REPS2: variants seen among roughly 807,000 people sequenced by gnomAD.
REPS2 encodes the protein ralBP1-associated Eps domain-containing protein 2.
A neutral mutation model predicts 53.6 loss-of-function variants in REPS2; 23 were observed. The ratio of observed to expected loss-of-function variants is 0.43; its 90% CI spans 0.31 to 0.61. REPS2 has a LOEUF of 0.61. Ranked by LOEUF, REPS2 falls within the 20% of genes least tolerant of loss-of-function variation. REPS2 has a pLI of 0.11. For missense variants in REPS2, 446 were observed against 534.9 expected (o/e 0.83, Z 1.64); for synonymous variants, 238 against 218.6 (o/e 1.09, Z -0.78).
intron 17 of REPS2, among the ~76,000 whole-genome samples, chrX:17,139,777 C>T (rs2063418986): frequency 9.0e-6 from 1 of 111,102 alleles, no homozygotes; most frequent in African/African-American, 3.3e-5. Flanking sequence ...GTCACATGGC[C>T]TTCTTCCTGT....
intron 17 of REPS2, among the ~76,000 whole-genome samples, chrX:17,141,715 G>A (rs2063449202): frequency 8.9e-6 from 1 of 112,174 alleles, no homozygotes; most frequent in Admixed American, 9.4e-5. Context: ...AGCTAGCCCT[G>A]TAGTGATATA....
chrX:16,955,967 C>T (rs957397218), intron 1 of REPS2, among the ~76,000 whole-genome samples: 10 of 112,302 alleles, frequency 8.9e-5, no homozygotes, highest in East Asian at 2.8e-4. Flanking sequence ...CATTTTCATG[C>T]GTAATTCATC....
At chrX:17,146,110 GAA>G (rs149334711) in intron 17 of REPS2, among the ~76,000 whole-genome samples, 2 of 77,048 alleles carry the variant, frequency 2.6e-5, no homozygotes, top group Non-Finnish European at 5.1e-5. Flanking sequence ...CTCTGTCTCA[GAA>G]AAAAAAAAAA....
chrX:17,185,577 A>G, the REPS2 span, among the ~76,000 whole-genome samples: 1 of 111,693 alleles, frequency 9.0e-6, no homozygotes, highest in South Asian at 3.8e-4. Context: ...TTCAGTCCTC[A>G]CTTGGGCTTA....
intron 5 of REPS2, among the ~76,000 whole-genome samples, chrX:17,040,526 T>C (rs1389423397): frequency 8.9e-6 from 1 of 112,273 alleles, no homozygotes; most frequent in East Asian, 2.8e-4. Context: ...CTGGGTTTTA[T>C]GGGATAGCAT....
chrX:16,969,587 G>C (rs1038196559), intron 1 of REPS2, among the ~76,000 whole-genome samples: 1 of 110,058 alleles, frequency 9.1e-6, no homozygotes, highest in Admixed American at 9.5e-5. Context: ...CCAGTCAGGC[G>C]TGGCGGCGCG....
intron 9 of REPS2, among the ~76,000 whole-genome samples, chrX:17,065,472 T>G (rs1288705961): frequency 1.8e-5 from 2 of 113,006 alleles, no homozygotes; most frequent in Non-Finnish European, 3.7e-5. Context: ...ACTTGTCTAT[T>G]GAATTGTAAG....
At chrX:17,070,312 T>C (rs1438732258) in intron 11 of REPS2, among the ~76,000 whole-genome samples, 5 of 112,091 alleles carry the variant, frequency 4.5e-5, no homozygotes, top group Non-Finnish European at 7.5e-5. Flanking sequence ...AACAAGCCAT[T>C]TTGGGTTTTG....
the REPS2 span, among the ~76,000 whole-genome samples, chrX:17,163,534 C>T: frequency 8.9e-6 from 1 of 111,839 alleles, no homozygotes; most frequent in African/African-American, 3.2e-5. Flanking sequence ...TAAGACACCT[C>T]ATAATCAAAC....
At position 17,025,128 on chromosome X, in the gene REPS2, GTGCCCT is replaced by G; in HGVS notation, c.619_624del (p.Pro207_Leu208del). 1 of 1,211,669 alleles carries G rather than the reference GTGCCCT, an allele frequency of 8.3e-7. No individual in the cohort carries two copies. The highest frequency in any genetic ancestry group is 1.1e-6 in the Non-Finnish European group (1 of 895,474). On this transcript the variant is annotated inframe_deletion, in exon 4 of 18. Transcript: ENST00000357277. Reference sequence around the variant, plus strand: ...TTCTTCCCCGCCTCATTACCAGAGGGTGCCCTTGAGCCATGGCTACAGCAAACTGCG... The same window carrying G: ...TTCTTCCCCGCCTCATTACCAGAGGGTGAGCCATGGCTACAGCAAACTGCG...
intron 3 of REPS2, among the ~76,000 whole-genome samples, chrX:17,023,810 G>A (rs780035972): frequency 2.3e-4 from 26 of 111,996 alleles, no homozygotes; most frequent in Non-Finnish European, 4.9e-4. Context: ...TTGTGTGAAT[G>A]AGAATACATC....
rs150728720 is a variant in REPS2, at chrX:17,014,059, G to A, written c.397+7715G>A. ...CTTTGACAATCTAGTAAAAGCTCTG[G>A]ATCTTAGCAGGAAAATACACATTGA... On this transcript the variant is annotated intron_variant, in intron 2 of 17. Coordinates refer to ENST00000357277, the MANE Select transcript of REPS2 (RefSeq NM_004726.3). Among the ~76,000 whole-genome samples the A allele has an allele frequency of 6.5e-3, 727 of 111,457 alleles. 8 individuals are homozygous for A. The highest frequency in any genetic ancestry group is 0.023 in the African/African-American group (701 of 30,655).
intron 14 of REPS2, among the ~76,000 whole-genome samples, chrX:17,105,590 A>T (rs182295173): frequency 8.9e-6 from 1 of 111,765 alleles, no homozygotes; most frequent in Non-Finnish European, 1.9e-5. Context: ...ACTGTTAATG[A>T]ATGAGTCTGC....
intron 8 of REPS2, among the ~76,000 whole-genome samples, chrX:17,056,642 C>G (rs2062075375): frequency 1.8e-5 from 2 of 109,887 alleles, no homozygotes; most frequent in African/African-American, 6.6e-5. Context: ...TTGCAGTGAG[C>G]CGAGATCGCG....
At chrX:17,097,551 A>T (rs2062721075) in intron 13 of REPS2, among the ~76,000 whole-genome samples, 1 of 112,254 alleles carries the variant, frequency 8.9e-6, no homozygotes, top group Admixed American at 9.4e-5. Flanking sequence ...AAAGAACAAG[A>T]TATGCCCAAA....
At position 16,946,955 on chromosome X, in the gene REPS2, G is replaced by C; in HGVS notation, c.94G>C (p.Glu32Gln). 1 of 879,462 alleles carries C rather than the reference G, an allele frequency of 1.1e-6. No individual in the cohort carries two copies. The highest frequency in any genetic ancestry group is 1.4e-6 in the Non-Finnish European group (1 of 718,654). The allele number at this position is 879,462 out of a possible 1,213,427, so 72.5% of individuals were successfully genotyped here. Residue 32 changes from glutamate (E) to glutamine (Q), a missense_variant, in exon 1 of 18, where the codon GAG (glutamate) becomes CAG (glutamine). Coordinates refer to ENST00000357277, the MANE Select transcript of REPS2 (RefSeq NM_004726.3). ...CGGGCCGCCGCCGCTGCTGCTGAGC[G>C]AGGGCGAGCAGCAGTGCTACTCCGA... ...GSGPPPLLLS[E>Q]GEQQCYSELF...
chrX:17,047,271 T>C (rs1445030273), intron 5 of REPS2, 76 bp from the exon 6 acceptor site: 12 of 1,086,265 alleles, frequency 1.1e-5, no homozygotes, highest in Admixed American at 2.4e-5. Context: ...ATGATAACTT[T>C]TATTGGTGTT....
intron 6 of REPS2, among the ~76,000 whole-genome samples, chrX:17,050,777 A>G (rs745978382): frequency 8.9e-6 from 1 of 111,803 alleles, no homozygotes; most frequent in African/African-American, 3.3e-5. Flanking sequence ...GTTTTGATGC[A>G]GACATGCAAT....
intron 1 of REPS2, among the ~76,000 whole-genome samples, chrX:17,001,821 A>G (rs1483258036): frequency 8.9e-6 from 1 of 111,917 alleles, no homozygotes; most frequent in Non-Finnish European, 1.9e-5. Context: ...TGGTGGTGGC[A>G]GGAGAAAAAT....
Sources: gnomAD v4.1 joint callset for allele counts (sites outside exome capture counted in the v4.1 genomes callset) on GRCh38, gnomAD v4.1.1 for gene constraint, MANE v1.5 for transcripts, NCBI Gene and HGNC (gene_info 2026-07-23, HGNC 2026-07-21) for gene names.